PRKG1: variants seen among roughly 807,000 people sequenced by gnomAD.
PRKG1 encodes protein kinase cGMP-dependent 1.
In PRKG1, 35 loss-of-function variants were observed where a neutral mutation model predicts 88.1. That is an observed-to-expected ratio of 0.40 (90% CI 0.30 to 0.53). PRKG1 has a LOEUF of 0.53. Ranked by LOEUF, PRKG1 falls within the 20% of genes least tolerant of loss-of-function variation. The pLI is 0.59. For synonymous variants in PRKG1, 303 were observed against 292.5 expected, an observed-to-expected ratio of 1.04 and a Z score of -0.37; for missense variants, 540 against 839.8, an observed-to-expected ratio of 0.64 and a Z score of 4.41.
At position 51,078,363 on chromosome 10, in the gene PRKG1, C is replaced by CACGTGCCA. The variant is rs570762963; in HGVS notation, c.311+3463_311+3470dup. Among the ~76,000 whole-genome samples, 1,108 of 150,000 alleles carry CACGTGCCA rather than the reference C, an allele frequency of 7.4e-3. 12 individuals are homozygous for CACGTGCCA. Among genetic ancestry groups the CACGTGCCA allele is most frequent in the African/African-American group, 0.025 (1,002 of 40,842 alleles). On this transcript the variant is annotated intron_variant, in intron 1 of 17. Coordinates refer to ENST00000373980, the MANE Select transcript of PRKG1 (RefSeq NM_006258.4). ...CCTCCTGAGTGGCTGGGATTACAGG[C>CACGTGCCA]ACGTGCCACCAATGCCTGGCTATTT...
chr10:51,659,310 G>A (rs994278502), intron 3 of PRKG1, among the ~76,000 whole-genome samples: 1 of 151,998 alleles, frequency 6.6e-6, no homozygotes, highest in African/African-American at 2.4e-5. Context: ...TGCTACAGAG[G>A]GTAATCATTG....
chr10:51,301,362 A>T (rs1205080591), intron 2 of PRKG1, among the ~76,000 whole-genome samples: 1 of 150,940 alleles, frequency 6.6e-6, no homozygotes, highest in Non-Finnish European at 1.5e-5. Context: ...GGGGAATGAG[A>T]GGGAAAAAAA....
chr10:52,186,921 C>T (rs1405814950), intron 9 of PRKG1, among the ~76,000 whole-genome samples: 1 of 152,128 alleles, frequency 6.6e-6, no homozygotes, highest in East Asian at 1.9e-4. Flanking sequence ...GTGGAAGTCT[C>T]ACAATTTGTA....
chr10:51,213,113 C>T (rs1421468687), intron 2 of PRKG1, among the ~76,000 whole-genome samples: 2 of 152,166 alleles, frequency 1.3e-5, no homozygotes, highest in Non-Finnish European at 2.9e-5. Flanking sequence ...GGCACATATA[C>T]ACCATGGAAT....
chr10:51,129,359 C>A (rs1348143701), intron 1 of PRKG1, among the ~76,000 whole-genome samples: 1 of 151,872 alleles, frequency 6.6e-6, no homozygotes, highest in Non-Finnish European at 1.5e-5. Flanking sequence ...GCATGATAAT[C>A]GCTTGAACCC....
At chr10:51,920,601 C>A (rs1016437421) in intron 5 of PRKG1, among the ~76,000 whole-genome samples, 1 of 151,958 alleles carries the variant, frequency 6.6e-6, no homozygotes, top group African/African-American at 2.4e-5. Context: ...ATCTTTATAT[C>A]GCCATATAAT....
At chr10:51,942,743 G>T (rs1201104784) in intron 5 of PRKG1, among the ~76,000 whole-genome samples, 18 of 150,438 alleles carry the variant, frequency 1.2e-4, no homozygotes, top group Admixed American at 2.0e-4. Context: ...TCTCAGGTTT[G>T]TCAAAGATCA....
chr10:51,642,574 C>T (rs1293603904), intron 3 of PRKG1, among the ~76,000 whole-genome samples: 1 of 152,124 alleles, frequency 6.6e-6, no homozygotes, highest in East Asian at 1.9e-4. Context: ...ACTGGTAGAA[C>T]ACAGACTAGT....
At chr10:51,679,922 A>G (rs1840807034) in intron 3 of PRKG1, among the ~76,000 whole-genome samples, 1 of 136,584 alleles carries the variant, frequency 7.3e-6, no homozygotes, top group East Asian at 2.3e-4. Context: ...CTTAAGGCCA[A>G]TTAACGGGAA....
intron 2 of PRKG1, among the ~76,000 whole-genome samples, chr10:51,325,565 G>T (rs540026438): frequency 1.8e-4 from 27 of 152,222 alleles, no homozygotes; most frequent in African/African-American, 6.3e-4. Context: ...GATACTGTAG[G>T]TTTTCTCTTC....
At chr10:51,350,653 G>A (rs1564457452) in intron 2 of PRKG1, among the ~76,000 whole-genome samples, 1 of 151,054 alleles carries the variant, frequency 6.6e-6, no homozygotes, top group Non-Finnish European at 1.5e-5. Flanking sequence ...GTTTGCAGAT[G>A]ATATGATCTT....
intron 8 of PRKG1, among the ~76,000 whole-genome samples, chr10:52,150,169 A>AT (rs1199037330): frequency 0.012 from 1,651 of 141,752 alleles, 34 homozygotes; most frequent in African/African-American, 0.033. Flanking sequence ...AATAATAATA[A>AT]TAATAATAAT....
intron 2 of PRKG1, among the ~76,000 whole-genome samples, chr10:51,160,944 G>A (rs1247663824): frequency 6.6e-6 from 1 of 151,802 alleles, no homozygotes; most frequent in African/African-American, 2.4e-5. Flanking sequence ...TCATAGCTTA[G>A]TTATGTGAGG....
intron 9 of PRKG1, among the ~76,000 whole-genome samples, chr10:52,246,522 G>C (rs78476352): frequency 0.046 from 7,043 of 152,096 alleles, 525 homozygotes; most frequent in African/African-American, 0.16. Flanking sequence ...ATGAAAAGGT[G>C]AAAATCAAAT....
At chr10:51,566,727 C>G (rs889239235) in intron 3 of PRKG1, among the ~76,000 whole-genome samples, 1 of 151,698 alleles carries the variant, frequency 6.6e-6, no homozygotes, top group Non-Finnish European at 1.5e-5. Context: ...GAAGAAAATG[C>G]GACTGGATGG....
intron 2 of PRKG1, among the ~76,000 whole-genome samples, chr10:51,155,083 A>C (rs1399679935): frequency 1.3e-5 from 2 of 152,106 alleles, no homozygotes; most frequent in Non-Finnish European, 2.9e-5. Flanking sequence ...AAAGGAAAGT[A>C]TACTTTTACT....
intron 3 of PRKG1, among the ~76,000 whole-genome samples, chr10:51,490,563 A>G (rs1263223521): frequency 6.6e-6 from 1 of 152,108 alleles, no homozygotes; most frequent in African/African-American, 2.4e-5. Flanking sequence ...TTTTATTTCA[A>G]TAAAGATTTG....
intron 2 of PRKG1, among the ~76,000 whole-genome samples, chr10:51,154,479 C>T (rs960208765): frequency 4.0e-5 from 6 of 151,778 alleles, no homozygotes; most frequent in Non-Finnish European, 7.4e-5. Flanking sequence ...CTTCTTTACA[C>T]GATTGGTATA....
At chr10:51,871,335 T>C (rs1408333312) in intron 4 of PRKG1, among the ~76,000 whole-genome samples, 2 of 152,202 alleles carry the variant, frequency 1.3e-5, no homozygotes, top group Non-Finnish European at 2.9e-5. Context: ...TATGGAACAA[T>C]GAAGCTACTC....
Sources: allele counts gnomAD v4.1 joint callset (sites outside exome capture counted in the v4.1 genomes callset), GRCh38; gene constraint gnomAD v4.1.1; transcripts MANE v1.5; gene names NCBI Gene and HGNC (gene_info 2026-07-23, HGNC 2026-07-21).